KIAA2013: variants seen among roughly 807,000 people sequenced by gnomAD.
KIAA2013 encodes uncharacterized protein KIAA2013.
KIAA2013 carries 20 observed loss-of-function variants against 39.9 expected under a neutral mutation model. The ratio of observed to expected loss-of-function variants is 0.50; its 90% CI spans 0.35 to 0.73. KIAA2013 has a LOEUF of 0.73. Among genes scored for constraint, KIAA2013 ranks in the 30% least tolerant of loss-of-function variants. The pLI is 0.01. For missense variants in KIAA2013, 587 were observed against 856.1 expected, an observed-to-expected ratio of 0.69 and a Z score of 3.92; for synonymous variants, 336 against 416.6, an observed-to-expected ratio of 0.81 and a Z score of 2.35.
In KIAA2013 at chr1:11,923,282, G is replaced by C; in HGVS notation, c.1241C>G (p.Pro414Arg). 6.2e-7 allele frequency: 1 copy of C among 1,613,348 alleles called. No homozygotes were observed. Among genetic ancestry groups the C allele is most frequent in the South Asian group, 1.1e-5 (1 of 91,032 alleles). The change falls in exon 2 of 3, where the codon CCG (proline) becomes CGG (arginine). Residue 414 changes from proline to arginine, a missense_variant. Physicochemically the swap from Pro to Arg is moderately radical, Grantham distance 103. Transcript: ENST00000376572. The surrounding 1 kb of genome is among the most constrained non-coding windows in gnomAD (Gnocchi z 4.6). ...HATMHAENLW[P>R]GRLSSVQQIL... The stretch of plus-strand genomic sequence containing the variant: ...CTGCTGGACGGAGGACAGCCGCCCC[G>C]GCCACAGGTTCTCGGCGTGCATGGT...
intron 2 of KIAA2013, 66 bp from the exon 3 acceptor site, chr1:11,920,398 T>C: frequency 1.3e-6 from 2 of 1,552,812 alleles, no homozygotes; most frequent in Non-Finnish European, 1.8e-6. Flanking sequence ...GCTATAGAAA[T>C]AGGCTACGGA....
rs572135612 is a variant in KIAA2013 at position 11,922,810 on chromosome 1, C to T, written c.1713G>A (p.Leu571=). 3 of 1,612,848 alleles carry T rather than the reference C, an allele frequency of 1.9e-6. No individual in the cohort carries two copies. The highest frequency in any genetic ancestry group is 2.7e-5 in the African/African-American group (2 of 75,062). ...CATGGGCCAGGATGGCCTTGAGGTG[C>T]AGCGTGTGCCGCAGGTCCTGCAGGT... ...LTHLQDLRHT[L]HLKAILAHDE... The change falls in exon 2 of 3, where the codon CTG becomes CTA. Residue 571 remains leucine, a synonymous_variant. Transcript: ENST00000376572.
chr1:11,923,518 G>C lies in KIAA2013; in HGVS notation c.1034-29C>G. The stretch of plus-strand genomic sequence containing the variant: ...CAACACCATGAAAGCGGCATGTTAA[G>C]GGGGAAGGACAGCTGGGAGGCAGAG... On this transcript the variant is annotated intron_variant, in intron 1 of 2. Coordinates refer to ENST00000376572, the MANE Select transcript of KIAA2013 (RefSeq NM_138346.3). The surrounding 1 kb of genome is among the most constrained non-coding windows in gnomAD (Gnocchi z 4.6). 6 of 1,599,456 alleles carry C rather than the reference G, an allele frequency of 3.8e-6. No individual in the cohort carries two copies. The highest frequency in any genetic ancestry group is 5.1e-6 in the Non-Finnish European group (6 of 1,179,180).
rs1245103143 is a variant in KIAA2013 at position 11,922,795 on chromosome 1, G to A, written c.1728C>T (p.Ile576=). Residue 576 remains isoleucine, a synonymous_variant, in exon 2 of 3, where the codon ATC becomes ATT. Coordinates refer to ENST00000376572, the MANE Select transcript of KIAA2013 (RefSeq NM_138346.3). ...DLRHTLHLKA[I]LAHDEHMAQQ... ...GGGCCATGTGCTCATCATGGGCCAG[G>A]ATGGCCTTGAGGTGCAGCGTGTGCC... 5.6e-6 allele frequency: 9 copies of A among 1,613,396 alleles called. No individual in the cohort carries two copies. The Admixed American group carries it at 1.5e-4, about 27-fold the overall frequency.
intron 2 of KIAA2013, 31 bp from the exon 3 acceptor site, chr1:11,920,363 T>C: frequency 2.5e-6 from 4 of 1,613,228 alleles, no homozygotes; most frequent in Non-Finnish European, 3.4e-6. Flanking sequence ...GTGTGATTAC[T>C]GTTCACTGCC....
intron 2 of KIAA2013, among the ~76,000 whole-genome samples, chr1:11,921,931 T>G (rs1030845959): frequency 1.3e-5 from 2 of 152,140 alleles, no homozygotes; most frequent in Non-Finnish European, 2.9e-5. Flanking sequence ...CACTGCAGTC[T>G]CAAACTCCTG....
At chr1:11,922,014 A>G (rs1173901107) in intron 2 of KIAA2013, among the ~76,000 whole-genome samples, 1 of 150,286 alleles carries the variant, frequency 6.7e-6, no homozygotes, top group African/African-American at 2.5e-5. Context: ...CGCCTGGCTG[A>G]TTTTTAAATT....
intron 2 of KIAA2013, 91 bp downstream of exon 2, chr1:11,922,545 T>A: frequency 6.4e-7 from 1 of 1,561,730 alleles, no homozygotes; most frequent in Non-Finnish European, 8.7e-7. Context: ...TGCCCAGGCC[T>A]CACCCCCCCT....
chr1:11,923,856 T>C lies in KIAA2013; in HGVS notation c.1034-367A>G, dbSNP rs1645489689. ...CTCTCTGTCCTTTCTCTCTCCAGTC[T>C]TGTAGCTTTATGTATGTATGTATTT... On this transcript the variant is annotated intron_variant, in intron 1 of 2. Coordinates refer to ENST00000376572, the MANE Select transcript of KIAA2013 (RefSeq NM_138346.3). This position sits in a 1 kb window ranked among gnomAD's most constrained non-coding sequence, Gnocchi z 4.6. 6.6e-6 allele frequency among the ~76,000 whole-genome samples: 1 copy of C among 152,202 alleles called. No homozygotes were observed. Among genetic ancestry groups the C allele is most frequent in the Non-Finnish European group, 1.5e-5 (1 of 68,048 alleles).
Position 11,922,654 on chromosome 1 carries a change from C to T in KIAA2013, c.1869G>A (p.Lys623=), listed in dbSNP as rs1645481579. 3 of 1,613,420 alleles carry T rather than the reference C, an allele frequency of 1.9e-6. No individual in the cohort carries two copies. Among genetic ancestry groups the T allele is most frequent in the African/African-American group, 2.7e-5 (2 of 74,922 alleles). Residue 623 remains lysine (K), a synonymous_variant, in exon 2 of 3, where the codon AAG becomes AAA. Transcript: ENST00000376572. The part of the protein sequence containing the change: ...IYNEYCGPGA[K]PLFRSKEDPS... ...TTCCTACCTTACTCCTGAAGAGGGG[C>T]TTGGCTCCAGGCCCACAGTACTCGT...
rs1447282918 is a variant in KIAA2013, at chr1:11,920,153, A to G, written c.*162T>C. On this transcript the variant is annotated 3_prime_UTR_variant, in exon 3 of 3. Coordinates refer to ENST00000376572, the MANE Select transcript of KIAA2013 (RefSeq NM_138346.3). ...CCCCACGTGACACTCATTCCTTCCAATGCAAACTCTGGTGTATCCACACTC... is the reference window on the plus strand; with the variant it reads ...CCCCACGTGACACTCATTCCTTCCAGTGCAAACTCTGGTGTATCCACACTC... 3.9e-6 allele frequency: 3 copies of G among 768,828 alleles called. No homozygotes were observed. Among genetic ancestry groups the G allele is most frequent in the East Asian group, 2.4e-5 (1 of 40,972 alleles). The allele number at this position is 768,828 out of a possible 1,614,324, so 47.6% of individuals were successfully genotyped here.
At position 11,922,512 on chromosome 1, in the gene KIAA2013, G is replaced by A. The variant is rs1045116113; in HGVS notation, c.1887+124C>T. 15 of 1,546,094 alleles carry A rather than the reference G, an allele frequency of 9.7e-6. No homozygotes were observed. The African/African-American group carries it at 1.2e-4, about 13-fold the overall frequency. On this transcript the variant is annotated intron_variant, in intron 2 of 2. Coordinates refer to ENST00000376572, the MANE Select transcript of KIAA2013 (RefSeq NM_138346.3). ...TGCGCGCTCTCTGGTGTCAAGGGCT[G>A]AGGGCATCAGGACACCCATTCCTGC...
intron 2 of KIAA2013, chr1:11,922,324 G>C: frequency 7.1e-7 from 1 of 1,406,292 alleles, no homozygotes; most frequent in East Asian, 2.6e-5. Context: ...CAAGTAGCTG[G>C]GACTACAGGC....
intron 2 of KIAA2013, among the ~76,000 whole-genome samples, chr1:11,921,580 C>T (rs970998989): frequency 1.2e-4 from 18 of 151,898 alleles, no homozygotes; most frequent in African/African-American, 4.3e-4. Context: ...GACAGAGTCT[C>T]ACTCTGTCAC....
rs1417522085 is a variant in KIAA2013, at chr1:11,926,022, G to A, written c.216C>T (p.Ala72=). ...CACCGCGCTCCCGCAGGCCGCGCCA[G>A]GCGCGGGTGGCCGCCTCCAGGCAGG... ...PSACLEAATR[A]WRGLRERGEV... is the part of the protein sequence containing the mutation. The change falls in exon 1 of 3, where the codon GCC becomes GCT. Residue 72 remains alanine (A), a synonymous_variant. Transcript: ENST00000376572. 6.7e-7 allele frequency: 1 copy of A among 1,500,334 alleles called. No individual in the cohort carries two copies. The highest frequency in any genetic ancestry group is 8.8e-7 in the Non-Finnish European group (1 of 1,131,556). 92.9% of individuals were successfully genotyped at this position (1,500,334 alleles called of 1,614,324 possible).
At chr1:11,922,464 G>C (rs1645479855) in intron 2 of KIAA2013, 172 bp downstream of exon 2, 8 of 1,470,692 alleles carry the variant, frequency 5.4e-6, no homozygotes, top group Non-Finnish European at 6.3e-6. Flanking sequence ...TCCCTTCCTC[G>C]TCGTCTCCTC....
chr1:11,923,504 A>G lies in KIAA2013; in HGVS notation c.1034-15T>C. 1 of 1,601,454 alleles carries G rather than the reference A, an allele frequency of 6.2e-7. No individual in the cohort carries two copies. The highest frequency in any genetic ancestry group is 8.5e-7 in the Non-Finnish European group (1 of 1,179,784). ...CATTTCCACTCCTGCAACACCATGAAAGCGGCATGTTAAGGGGGAAGGACA... is the reference window on the plus strand; with the variant it reads ...CATTTCCACTCCTGCAACACCATGAGAGCGGCATGTTAAGGGGGAAGGACA... On this transcript the variant is annotated splice_polypyrimidine_tract_variant and intron_variant, in intron 1 of 2. Coordinates refer to ENST00000376572, the MANE Select transcript of KIAA2013 (RefSeq NM_138346.3). The surrounding 1 kb of genome is among the most constrained non-coding windows in gnomAD (Gnocchi z 4.6).
rs541442644 is a variant in KIAA2013, at chr1:11,922,552, C to G, written c.1887+84G>C. The G allele has an allele frequency of 3.5e-3, 5,494 of 1,566,698 alleles. 21 individuals carry two copies. The highest frequency in any genetic ancestry group is 4.4e-3 in the Non-Finnish European group (5,028 of 1,155,104). On this transcript the variant is annotated intron_variant, in intron 2 of 2. Coordinates refer to ENST00000376572, the MANE Select transcript of KIAA2013 (RefSeq NM_138346.3). ...CCCATTCCTGCCCAGGCCTCACCCC[C>G]CCTCGCCAGGCTAGCCCCTTCCGAG... is the stretch of plus-strand genomic sequence containing the variant.
rs1391444046 is a variant in KIAA2013 at position 11,925,122 on chromosome 1, C to T, written c.1033+83G>A. 1.5e-6 allele frequency: 2 copies of T among 1,329,390 alleles called. No individual in the cohort carries two copies. The highest frequency in any genetic ancestry group is 1.0e-6 in the Non-Finnish European group (1 of 980,274). The allele number at this position is 1,329,390 out of a possible 1,614,324, so 82.3% of individuals were successfully genotyped here. A position where few individuals can be genotyped will look rare whatever the true frequency, so the allele number is the denominator to read the frequency against. The stretch of plus-strand genomic sequence containing the variant: ...TGAAACGCCAAGCCCAAGTTTCAAC[C>T]ACCCCACCATCACCTTCAGTGTCAC... On this transcript the variant is annotated intron_variant, in intron 1 of 2. Transcript: ENST00000376572. This position sits in a 1 kb window ranked among gnomAD's most constrained non-coding sequence, Gnocchi z 5.2.
Sources: gnomAD v4.1 joint callset for allele counts (sites outside exome capture counted in the v4.1 genomes callset) on GRCh38, gnomAD v4.1.1 for gene constraint, Gnocchi (gnomAD v3.1) non-coding constraint, MANE v1.5 for transcripts, NCBI Gene and HGNC (gene_info 2026-07-23, HGNC 2026-07-21) for gene names.